NARS2: variants seen among roughly 807,000 people sequenced by gnomAD.
The protein encoded by NARS2 is asparaginyl-tRNA synthetase.
Under a neutral mutation model 62.9 loss-of-function variants are expected in NARS2, and 60 were observed. The ratio of observed to expected loss-of-function variants is 0.95; its 90% CI spans 0.77 to 1.18. NARS2 has a LOEUF of 1.18. Ranked by LOEUF, NARS2 falls within the 50% of genes most tolerant of loss-of-function variation. The pLI, the probability that NARS2 is intolerant of heterozygous loss-of-function variation, is 0.00. For synonymous variants in NARS2, 196 were observed against 200.0 expected, an observed-to-expected ratio of 0.98 and a Z score of 0.17; for missense variants, 619 against 576.4, an observed-to-expected ratio of 1.07 and a Z score of -0.76.
At chr11:78,472,690 T>G (rs186358364) in intron 9 of NARS2, among the ~76,000 whole-genome samples, 24 of 152,352 alleles carry the variant, frequency 1.6e-4, no homozygotes, top group Admixed American at 1.6e-3. Context: ...TAACTAACAG[T>G]GCAGTCTGCA....
At chr11:78,476,574 G>C (rs1256465761) in intron 9 of NARS2, among the ~76,000 whole-genome samples, 1 of 152,188 alleles carries the variant, frequency 6.6e-6, no homozygotes, top group Non-Finnish European at 1.5e-5. Context: ...TTTCAAAAAG[G>C]TGTTCTTGTA....
chr11:78,456,069 T>G (rs1858153406), intron 11 of NARS2, among the ~76,000 whole-genome samples: 1 of 151,986 alleles, frequency 6.6e-6, no homozygotes, highest in African/African-American at 2.4e-5. Flanking sequence ...TTTAGTTAAG[T>G]GAGACAATAT....
chr11:78,510,214 A>G (rs541933485), intron 6 of NARS2, among the ~76,000 whole-genome samples: 1 of 152,208 alleles, frequency 6.6e-6, no homozygotes, highest in Admixed American at 6.5e-5. Flanking sequence ...AAATGACCCA[A>G]TTATATGCTG....
chr11:78,442,627 T>C (rs1288963516), intron 12 of NARS2, among the ~76,000 whole-genome samples: 2 of 152,140 alleles, frequency 1.3e-5, no homozygotes, highest in Admixed American at 6.5e-5. Context: ...GTCTTTCTTT[T>C]TTTTTTTTTA....
At chr11:78,547,199 T>C (rs547271629) in intron 5 of NARS2, among the ~76,000 whole-genome samples, 2 of 152,010 alleles carry the variant, frequency 1.3e-5, no homozygotes, top group East Asian at 3.9e-4. Context: ...GGTGTGGTGG[T>C]GCACACCCAT....
chr11:78,506,613 C>T (rs1291331164), intron 6 of NARS2, among the ~76,000 whole-genome samples: 1 of 152,206 alleles, frequency 6.6e-6, no homozygotes, highest in Non-Finnish European at 1.5e-5. Flanking sequence ...CAGCTCACTG[C>T]TACATTCACC....
chr11:78,465,829 C>A (rs758592616), intron 11 of NARS2, 47 bp downstream of exon 11: 3 of 1,602,492 alleles, frequency 1.9e-6, no homozygotes, highest in South Asian at 2.2e-5. Context: ...AAATGAAAAA[C>A]CCAACCTAAG....
chr11:78,442,499 T>C (rs1406343261), intron 12 of NARS2, among the ~76,000 whole-genome samples: 1 of 152,128 alleles, frequency 6.6e-6, no homozygotes, highest in East Asian at 1.9e-4. Context: ...CATTTCCCCA[T>C]TAGGAAAAGA....
chr11:78,441,220 G>A, intron 12 of NARS2, 103 bp from the exon 13 acceptor site: 1 of 1,037,190 alleles, frequency 9.6e-7, no homozygotes, highest in East Asian at 2.4e-5. Context: ...TTATGAAGAA[G>A]TAGACGACAA....
At chr11:78,518,207 C>T (rs1208301389) in intron 6 of NARS2, among the ~76,000 whole-genome samples, 1 of 152,008 alleles carries the variant, frequency 6.6e-6, no homozygotes, top group Non-Finnish European at 1.5e-5. Context: ...TATAAGAAAT[C>T]GAGATTAATT....
chr11:78,537,949 A>T (rs1220791349), intron 5 of NARS2, among the ~76,000 whole-genome samples: 1 of 152,212 alleles, frequency 6.6e-6, no homozygotes, highest in African/African-American at 2.4e-5. Flanking sequence ...CCTATAGTCA[A>T]CTGCAGTCTG....
rs1212323481 is a variant in NARS2, at chr11:78,566,308, AAG to A, written c.373-38_373-37del. Reference sequence around the variant, plus strand: ...ATGAAAAGAACAAATTAGAAGTCAAAAGAGATACTGTTTAATAAAATCAGTTT... The same window carrying A: ...ATGAAAAGAACAAATTAGAAGTCAAAAGATACTGTTTAATAAAATCAGTTT... On this transcript the variant is annotated intron_variant, in intron 3 of 13. Coordinates refer to ENST00000281038, the MANE Select transcript of NARS2 (RefSeq NM_024678.6). The A allele has an allele frequency of 2.0e-6, 3 of 1,529,438 alleles. No individual in the cohort carries two copies. The Admixed American group carries it at 5.9e-5, about 30-fold the overall frequency. 94.7% of individuals were successfully genotyped at this position (1,529,438 alleles called of 1,614,324 possible). A position where few individuals can be genotyped will look rare whatever the true frequency, so the allele number is the denominator to read the frequency against.
intron 5 of NARS2, among the ~76,000 whole-genome samples, chr11:78,550,102 A>G (rs1241248076): frequency 6.6e-6 from 1 of 152,192 alleles, no homozygotes; most frequent in Non-Finnish European, 1.5e-5. Context: ...GGAGTCACTC[A>G]CACTAAAGTT....
chr11:78,557,888 G>A (rs1430744317), intron 5 of NARS2, among the ~76,000 whole-genome samples: 2 of 149,710 alleles, frequency 1.3e-5, no homozygotes, highest in African/African-American at 4.9e-5. Context: ...GATTTCCCTG[G>A]TAGCAATGCA....
chr11:78,452,488 G>T (rs976687821), intron 11 of NARS2, among the ~76,000 whole-genome samples: 2 of 151,764 alleles, frequency 1.3e-5, no homozygotes, highest in Non-Finnish European at 2.9e-5. Flanking sequence ...GCTCAATGCC[G>T]CCTTGACCTC....
chr11:78,450,666 C>CTTTTTT (rs781420225), intron 11 of NARS2, among the ~76,000 whole-genome samples: 45 of 101,498 alleles, frequency 4.4e-4, no homozygotes, highest in East Asian at 8.8e-4. Flanking sequence ...AAAGCCTTGT[C>CTTTTTT]TTTTTTTTTT....
chr11:78,541,444 A>G (rs1855618246), intron 5 of NARS2, among the ~76,000 whole-genome samples: 1 of 151,918 alleles, frequency 6.6e-6, no homozygotes, highest in African/African-American at 2.4e-5. Flanking sequence ...ACAGGCATAT[A>G]CCACTGTGCC....
chr11:78,495,538 G>C (rs1435442463), intron 6 of NARS2, among the ~76,000 whole-genome samples: 2 of 152,118 alleles, frequency 1.3e-5, no homozygotes, highest in Non-Finnish European at 2.9e-5. Flanking sequence ...TTCCAGAACA[G>C]GAATCATGTT....
chr11:78,547,518 G>C (rs943847748), intron 5 of NARS2, among the ~76,000 whole-genome samples: 2 of 152,166 alleles, frequency 1.3e-5, no homozygotes, highest in East Asian at 3.9e-4. Context: ...AGCAGTAAGA[G>C]GTACTGATAC....
Sources: gnomAD v4.1 joint callset for allele counts (sites outside exome capture counted in the v4.1 genomes callset) on GRCh38, gnomAD v4.1.1 for gene constraint, MANE v1.5 for transcripts, NCBI Gene and HGNC (gene_info 2026-07-23, HGNC 2026-07-21) for gene names.